The following GNAS variants were observed in gnomAD, a reference collection of about 807,000 sequenced individuals.
GNAS encodes protein ALEX.
A neutral mutation model predicts 54.5 loss-of-function variants in GNAS; 8 were observed. The ratio of observed to expected loss-of-function variants is 0.15; its 90% CI spans 0.09 to 0.26. The LOEUF (loss-of-function observed/expected upper bound fraction) is 0.26, where lower values mean the gene tolerates loss of function less well. GNAS is among the 10% of genes least tolerant of loss of function. The probability of loss-of-function intolerance (pLI) is 1.00; values close to 1 mark genes in which losing one functional copy is unlikely to be tolerated. For missense variants in GNAS, 170 were observed against 529.8 expected (o/e 0.32, Z 6.67); for synonymous variants, 204 against 191.4 (o/e 1.07, Z -0.54).
chr20:58,851,302 A>G (rs1212232679), intron 1 of GNAS, among the ~76,000 whole-genome samples: 2 of 152,120 alleles, frequency 1.3e-5, no homozygotes, highest in Non-Finnish European at 2.9e-5. Context: ...AGAGGGATGC[A>G]TTAGACTAAA....
chr20:58,876,932 A>G (rs2087861251), intron 1 of GNAS: 1 of 152,226 alleles, frequency 6.6e-6, no homozygotes. Flanking sequence ...CAAAACATTG[A>G]TTTTCTCCCC....
chr20:58,885,802 G>C (rs983739038), intron 1 of GNAS, among the ~76,000 whole-genome samples: 7 of 152,212 alleles, frequency 4.6e-5, no homozygotes, highest in African/African-American at 1.7e-4. Flanking sequence ...AGTCATTCTA[G>C]CTAATTAAAG....
intron 6 of GNAS, among the ~76,000 whole-genome samples, chr20:58,905,878 T>C (rs919197): frequency 0.6 from 91,922 of 152,046 alleles, 30,265 homozygotes; most frequent in African/African-American, 0.88. Flanking sequence ...CAAAGAGGAA[T>C]GGTGAAGACA....
In GNAS at chr20:58,891,670, CCGCCCG is replaced by C; in HGVS notation, c.-49_-44del. 4.1e-6 allele frequency: 4 copies of C among 972,484 alleles called. No homozygotes were observed. The highest frequency in any genetic ancestry group is 4.6e-5 in the South Asian group (1 of 21,688). 60.2% of individuals were successfully genotyped at this position (972,484 alleles called of 1,614,324 possible). On this transcript the variant is annotated 5_prime_UTR_variant, in exon 1 of 13. Coordinates refer to ENST00000371085, the MANE Select transcript of GNAS (RefSeq NM_000516.7). ...CCCGGCCCTCCCGGCCCGCGTGAGG[CCGCCCG>C]CGCCCGCCGCCGCCGCAGCCCGGCC...
chr20:58,899,862 C>A, intron 3 of GNAS: 1 of 708,292 alleles, frequency 1.4e-6, no homozygotes, highest in Non-Finnish European at 2.6e-6. Context: ...AAAGAAACAG[C>A]TTCTGTGGCC....
chr20:58,903,627 C>T (rs1311097917), intron 4 of GNAS, 42 bp downstream of exon 4: 2 of 1,613,976 alleles, frequency 1.2e-6, no homozygotes, highest in Non-Finnish European at 8.5e-7. Flanking sequence ...GTAGCGCCCT[C>T]CCAGCCAGTG....
intron 6 of GNAS, among the ~76,000 whole-genome samples, chr20:58,907,192 C>G (rs1189879986): frequency 6.6e-6 from 1 of 152,196 alleles, no homozygotes; most frequent in African/African-American, 2.4e-5. Context: ...CGCAATCTAT[C>G]AACCCCAGCC....
chr20:58,910,494 A>T lies in GNAS; in HGVS notation c.1038+93A>T. 8.5e-7 allele frequency: 1 copy of T among 1,172,220 alleles called. No individual in the cohort carries two copies. The highest frequency in any genetic ancestry group is 1.8e-5 in the Admixed American group (1 of 57,012). The allele number at this position is 1,172,220 out of a possible 1,614,324, so 72.6% of individuals were successfully genotyped here. ...TAATTCCAAATTCAGGGGTTCAGCT[A>T]CCCAGTTCCATGGTTTTAGTTCACG... On this transcript the variant is annotated intron_variant, in intron 12 of 12. Transcript: ENST00000371085. The surrounding 1 kb of genome is among the most constrained non-coding windows in gnomAD (Gnocchi z 5.8).
chr20:58,868,391 T>A (rs2087198219), intron 1 of GNAS, among the ~76,000 whole-genome samples: 1 of 152,120 alleles, frequency 6.6e-6, no homozygotes, highest in South Asian at 2.1e-4. Flanking sequence ...TGACTTCAGA[T>A]GATCCGCCCA....
rs372074424 is a variant in GNAS at position 58,909,458 on chromosome 20, T to C, written c.659+35T>C. On this transcript the variant is annotated intron_variant, in intron 8 of 12. Transcript: ENST00000371085. The surrounding 1 kb of genome is among the most constrained non-coding windows in gnomAD (Gnocchi z 7.3). The stretch of plus-strand genomic sequence containing the variant: ...CTGTTACCTTTTTATATAACAGAGA[T>C]CATGGTTTCTTGACATTCACCCCAG... The C allele has an allele frequency of 5.0e-6, 8 of 1,609,120 alleles. No individual in the cohort carries two copies. In the African/African-American group the frequency reaches 1.1e-4, roughly 22 times the overall value.
chr20:58,889,349 C>T (rs2088882591), upstream of GNAS: 1 of 985,388 alleles, frequency 1.0e-6, no homozygotes, highest in Non-Finnish European at 1.2e-6. Flanking sequence ...GCACCTCACT[C>T]ACATGTAAGT....
Position 58,873,185 on chromosome 20 carries a change from GAA to G in GNAS, c.44-22424_44-22423del, listed in dbSNP as rs987535954. Among the ~76,000 whole-genome samples, 6 of 152,184 alleles carry G rather than the reference GAA, an allele frequency of 3.9e-5. No individual in the cohort carries two copies. Among genetic ancestry groups the G allele is most frequent in the African/African-American group, 1.4e-4 (6 of 41,444 alleles). On this transcript the variant is annotated intron_variant, in intron 1 of 12. Coordinates refer to the GNAS transcript ENST00000306090. The surrounding 1 kb of genome is among the most constrained non-coding windows in gnomAD (Gnocchi z 4.3). The stretch of plus-strand genomic sequence containing the variant: ...AAATAATTGCTGATCTAATAGCTAT[GAA>G]AAGGAACTCATTCACAAATATGTTT...
intron 1 of GNAS, among the ~76,000 whole-genome samples, chr20:58,862,841 C>T (rs1204517853): frequency 2.0e-5 from 3 of 151,670 alleles, no homozygotes; most frequent in Admixed American, 6.6e-5. Flanking sequence ...AAAGTGTCAC[C>T]TGTCACCCCT....
At chr20:58,854,135 ACCT>A (rs764891068) in intron 1 of GNAS, 3 of 1,612,330 alleles carry the variant, frequency 1.9e-6, no homozygotes, top group Non-Finnish European at 2.5e-6. Flanking sequence ...AGGCTGTCAG[ACCT>A]CCTTCTAACT....
At chr20:58,840,266 C>G (rs1412616491), upstream of GNAS, 1 of 1,611,854 alleles carries the variant, frequency 6.2e-7, no homozygotes, top group South Asian at 1.1e-5. The surrounding 1 kb of genome is among the most constrained non-coding windows in gnomAD (Gnocchi z 6.0). Flanking sequence ...CCGTGCCCAG[C>G]AGCGCGCGGC....
At chr20:58,868,313 C>T (rs991466963) in intron 1 of GNAS, among the ~76,000 whole-genome samples, 1 of 152,122 alleles carries the variant, frequency 6.6e-6, no homozygotes, top group Non-Finnish European at 1.5e-5. Context: ...GCCACCGTGC[C>T]CTGCCAATAT....
intron 1 of GNAS, among the ~76,000 whole-genome samples, chr20:58,860,944 G>A (rs998822772): frequency 3.9e-5 from 6 of 152,168 alleles, no homozygotes; most frequent in African/African-American, 1.4e-4. Context: ...TTACAGGCAT[G>A]AGCCACCGTG....
chr20:58,902,122 T>TCC (rs11477757), intron 3 of GNAS, among the ~76,000 whole-genome samples: 1 of 147,954 alleles, frequency 6.8e-6, no homozygotes, highest in Non-Finnish European at 1.5e-5. Context: ...CCTCGGTGAC[T>TCC]CCCCCCCTCT....
At chr20:58,894,510 AAAAG>A (rs745746668) in intron 1 of GNAS, among the ~76,000 whole-genome samples, 5 of 151,916 alleles carry the variant, frequency 3.3e-5, no homozygotes, top group East Asian at 1.9e-4. Context: ...TTAAAAGTTA[AAAAG>A]AAAGAAAAAG....
Sources: allele counts gnomAD v4.1 joint callset (sites outside exome capture counted in the v4.1 genomes callset), GRCh38; gene constraint gnomAD v4.1.1; non-coding constraint Gnocchi (gnomAD v3.1); transcripts MANE v1.5; gene names NCBI Gene and HGNC (gene_info 2026-07-23, HGNC 2026-07-21).